Variants in GRID2 observed in about 807,000 individuals in gnomAD.
The protein encoded by GRID2 is glutamate receptor ionotropic, delta-2.
Under a neutral mutation model 114.8 loss-of-function variants are expected in GRID2, and 33 were observed. The observed-to-expected ratio is 0.29, with a 90% CI of 0.22 to 0.38. The LOEUF (loss-of-function observed/expected upper bound fraction) is 0.38. Ranked by LOEUF, GRID2 falls within the 10% of genes least tolerant of loss-of-function variation. The pLI is 1.00. For missense variants in GRID2, 1,184 were observed against 1,257.7 expected (o/e 0.94, Z 0.89); for synonymous variants, 505 against 449.9 (o/e 1.12, Z -1.55).
chr4:93,204,261 C>A (rs1413332017), intron 4 of GRID2, among the ~76,000 whole-genome samples: 1 of 151,992 alleles, frequency 6.6e-6, no homozygotes, highest in Admixed American at 6.6e-5. Flanking sequence ...TCGTAGGAGA[C>A]CTGTTAACTT....
chr4:92,852,192 G>T (rs879386504), intron 2 of GRID2, among the ~76,000 whole-genome samples: 14 of 152,012 alleles, frequency 9.2e-5, no homozygotes, highest in Non-Finnish European at 1.5e-4. Context: ...TTTAAGGCAG[G>T]ATAGAGATGT....
At chr4:93,120,243 G>A (rs758838568) in intron 4 of GRID2, among the ~76,000 whole-genome samples, 5 of 152,114 alleles carry the variant, frequency 3.3e-5, no homozygotes, top group South Asian at 2.1e-4. Context: ...TCCCATTATT[G>A]AGTGTATACC....
intron 2 of GRID2, among the ~76,000 whole-genome samples, chr4:92,836,426 T>C (rs897561190): frequency 1.3e-5 from 2 of 152,092 alleles, no homozygotes; most frequent in African/African-American, 4.8e-5. Context: ...GAAAATAGTT[T>C]TGACCTCATA....
intron 2 of GRID2, among the ~76,000 whole-genome samples, chr4:92,681,957 T>C (rs974569453): frequency 6.6e-6 from 1 of 152,138 alleles, no homozygotes; most frequent in African/African-American, 2.4e-5. Context: ...GAAAGGTTAT[T>C]TAAAGAGAGG....
chr4:93,196,885 G>T (rs1248882104), intron 4 of GRID2, among the ~76,000 whole-genome samples: 1 of 152,066 alleles, frequency 6.6e-6, no homozygotes, highest in Non-Finnish European at 1.5e-5. Context: ...TACTTCTCTG[G>T]TTAAACATCA....
intron 2 of GRID2, among the ~76,000 whole-genome samples, chr4:92,777,678 C>T (rs1346830559): frequency 6.7e-6 from 1 of 149,144 alleles, no homozygotes; most frequent in African/African-American, 2.5e-5. Context: ...TGCCCTAATT[C>T]ATTATGACCA....
intron 8 of GRID2, among the ~76,000 whole-genome samples, chr4:93,279,846 G>A (rs1049307769): frequency 7.2e-5 from 11 of 151,890 alleles, no homozygotes; most frequent in African/African-American, 2.2e-4. Flanking sequence ...CAGGATCTTA[G>A]TATGAGTAAA....
At chr4:93,496,311 C>G (rs1727541659) in intron 12 of GRID2, among the ~76,000 whole-genome samples, 1 of 151,706 alleles carries the variant, frequency 6.6e-6, no homozygotes, top group Non-Finnish European at 1.5e-5. Flanking sequence ...TAGTACAGAG[C>G]AGTGTCATGT....
chr4:93,183,461 A>G (rs761040054), intron 4 of GRID2, among the ~76,000 whole-genome samples: 1 of 152,206 alleles, frequency 6.6e-6, no homozygotes, highest in Non-Finnish European at 1.5e-5. Context: ...AATTTGTTCT[A>G]CTACATCTAA....
At chr4:92,416,977 G>A (rs1035136526) in intron 1 of GRID2, among the ~76,000 whole-genome samples, 1 of 151,894 alleles carries the variant, frequency 6.6e-6, no homozygotes, top group African/African-American at 2.4e-5. Context: ...CATTGAATTT[G>A]TAGTTTCCTT....
intron 2 of GRID2, among the ~76,000 whole-genome samples, chr4:92,663,388 G>A (rs1376875111): frequency 1.3e-5 from 2 of 151,032 alleles, no homozygotes; most frequent in African/African-American, 4.8e-5. Context: ...TGTTTTAAAA[G>A]CTTAATATAC....
At chr4:92,640,183 ATTTAT>A (rs1168114901) in intron 2 of GRID2, among the ~76,000 whole-genome samples, 1 of 151,432 alleles carries the variant, frequency 6.6e-6, no homozygotes, top group Non-Finnish European at 1.5e-5. Context: ...TAGATCACAT[ATTTAT>A]TTAAAAACTA....
intron 14 of GRID2, among the ~76,000 whole-genome samples, chr4:93,671,385 T>G (rs942789532): frequency 6.6e-6 from 1 of 152,168 alleles, no homozygotes; most frequent in Non-Finnish European, 1.5e-5. Context: ...ACATGAGCAC[T>G]GCATTGACTG....
chr4:92,966,533 A>G (rs945733638), intron 2 of GRID2, among the ~76,000 whole-genome samples: 2 of 151,868 alleles, frequency 1.3e-5, no homozygotes, highest in Non-Finnish European at 2.9e-5. Context: ...CCACGTGTCA[A>G]GGGCAGGGCC....
chr4:93,362,231 T>C (rs1323677477), intron 8 of GRID2, among the ~76,000 whole-genome samples: 3 of 152,130 alleles, frequency 2.0e-5, no homozygotes, highest in Non-Finnish European at 4.4e-5. Context: ...GTATATTTTT[T>C]ATACCGTTGC....
chr4:93,506,742 T>A (rs1008447807), intron 12 of GRID2, among the ~76,000 whole-genome samples: 1 of 152,188 alleles, frequency 6.6e-6, no homozygotes, highest in African/African-American at 2.4e-5. Context: ...AAGGCTTCAT[T>A]TGAAAAGTTC....
chr4:92,963,849 G>C (rs935248504), intron 2 of GRID2, among the ~76,000 whole-genome samples: 15 of 151,974 alleles, frequency 9.9e-5, no homozygotes, highest in Non-Finnish European at 1.8e-4. Flanking sequence ...AATATGACTT[G>C]AGAGTTGAAA....
chr4:92,657,293 C>T (rs62309210), intron 2 of GRID2, among the ~76,000 whole-genome samples: 7,831 of 151,626 alleles, frequency 0.052, 227 homozygotes, highest in East Asian at 0.1. Flanking sequence ...AGTGTCTGAA[C>T]TGTCACTTTA....
chr4:92,354,050 C>T (rs1382593517), intron 1 of GRID2, among the ~76,000 whole-genome samples: 1 of 151,956 alleles, frequency 6.6e-6, no homozygotes, highest in African/African-American at 2.4e-5. Flanking sequence ...GAGACAAATG[C>T]CATGTGCTGG....
Sources: gnomAD v4.1 joint callset for allele counts (sites outside exome capture counted in the v4.1 genomes callset) on GRCh38, gnomAD v4.1.1 for gene constraint, MANE v1.5 for transcripts, NCBI Gene and HGNC (gene_info 2026-07-23, HGNC 2026-07-21) for gene names.